The following KIAA0319 variants were observed in gnomAD, a reference collection of about 807,000 sequenced individuals.
KIAA0319 encodes dyslexia-associated protein KIAA0319.
In KIAA0319, 83 loss-of-function variants were observed where a neutral mutation model predicts 108.4. The ratio of observed to expected loss-of-function variants is 0.77; its 90% CI spans 0.64 to 0.92. The LOEUF is 0.92. Ranked by LOEUF, KIAA0319 falls within the 40% of genes least tolerant of loss-of-function variation. The probability of loss-of-function intolerance (pLI) is 0.00; values close to 1 mark genes in which losing one functional copy is unlikely to be tolerated. For synonymous variants in KIAA0319, 484 were observed against 510.4 expected (o/e 0.95, Z 0.70); for missense variants, 1,195 against 1,322.4 (o/e 0.90, Z 1.49).
At chr6:24,611,640 C>G (rs1772330418) in intron 1 of KIAA0319, among the ~76,000 whole-genome samples, 1 of 152,088 alleles carries the variant, frequency 6.6e-6, no homozygotes, top group Non-Finnish European at 1.5e-5. Flanking sequence ...ACATTGCAGA[C>G]AAAGGATAAT....
At chr6:24,583,273 G>T in intron 5 of KIAA0319, 2 of 1,008,398 alleles carry the variant, frequency 2.0e-6, no homozygotes, top group Non-Finnish European at 2.4e-6. Flanking sequence ...CATCCCGGTG[G>T]AATCTTCCCA....
In KIAA0319 at chr6:24,588,735, T is replaced by A. The variant is rs1767958748; in HGVS notation, c.852A>T (p.Ser284=). 1.2e-6 allele frequency: 2 copies of A among 1,613,836 alleles called. No homozygotes were observed. Among genetic ancestry groups the A allele is most frequent in the African/African-American group, 1.3e-5 (1 of 74,834 alleles). ...GCACTGGGCTTTTCTCCACGGTGAC[T>A]GAGCTGAGCTCCAGGCTTGCCGGAG... The part of the protein sequence containing the change: ...SLPPASLELS[S]VTVEKSPVLT... Residue 284 remains serine (S), a synonymous_variant, in exon 4 of 21, where the codon TCA becomes TCT. Transcript: ENST00000378214.
At chr6:24,639,141 G>A (rs972249056) in intron 1 of KIAA0319, among the ~76,000 whole-genome samples, 27 of 151,826 alleles carry the variant, frequency 1.8e-4, no homozygotes, top group African/African-American at 6.0e-4. Context: ...TAGAATTGAT[G>A]AAAGAAAAAA....
Position 24,588,479 on chromosome 6 carries a change from A to G in KIAA0319, c.994+114T>C, listed in dbSNP as rs930320814. On this transcript the variant is annotated intron_variant, in intron 4 of 20. Transcript: ENST00000378214. Reference sequence around the variant, plus strand: ...TATGCAGCACCGTTTCTGGCACATGATAGATGCTGAAAAATGTGCCTGGAG... The same window carrying G: ...TATGCAGCACCGTTTCTGGCACATGGTAGATGCTGAAAAATGTGCCTGGAG... 4.8e-6 allele frequency: 4 copies of G among 838,578 alleles called. No homozygotes were observed. The African/African-American group carries it at 6.7e-5, about 14-fold the overall frequency. The allele number at this position is 838,578 out of a possible 1,614,324, so 51.9% of individuals were successfully genotyped here.
chr6:24,548,211 G>A (rs1035404923), intron 20 of KIAA0319, among the ~76,000 whole-genome samples: 1 of 152,146 alleles, frequency 6.6e-6, no homozygotes, highest in South Asian at 2.1e-4. Context: ...CCTTAGTTCA[G>A]CTAAAACCAG....
chr6:24,571,480 T>C (rs549970054), intron 11 of KIAA0319, among the ~76,000 whole-genome samples: 2 of 151,782 alleles, frequency 1.3e-5, no homozygotes, highest in African/African-American at 2.4e-5. Flanking sequence ...CACTACAAAA[T>C]AGGGGTTTCC....
intron 4 of KIAA0319, among the ~76,000 whole-genome samples, chr6:24,587,086 G>A (rs1767624164): frequency 6.6e-6 from 1 of 151,914 alleles, no homozygotes; most frequent in Non-Finnish European, 1.5e-5. Flanking sequence ...TTTTAGTTCT[G>A]TATTTTCATA....
Position 24,578,180 on chromosome 6 carries a change from C to T in KIAA0319, c.1435G>A (p.Glu479Lys), listed in dbSNP as rs2127476157. The stretch of plus-strand genomic sequence containing the variant: ...GGAGAGTCAACTGAAGTCTTCTCTT[C>T]TATGAAGGGCCCGTTTATTTCTTCC... ...HWEEINGPFI[E>K]EKTSVDSPVL... is the part of the protein sequence containing the mutation. The change falls in exon 9 of 21, where the codon GAA becomes AAA. Residue 479 changes from glutamate (E) to lysine (K), a missense_variant. Coordinates refer to ENST00000378214, the MANE Select transcript of KIAA0319 (RefSeq NM_014809.4). The T allele has an allele frequency of 6.2e-7, 1 of 1,611,326 alleles. No homozygotes were observed. The highest frequency in any genetic ancestry group is 8.5e-7 in the Non-Finnish European group (1 of 1,177,682).
downstream of KIAA0319, among the ~76,000 whole-genome samples, chr6:24,541,200 C>G (rs573845377): frequency 2.2e-4 from 33 of 152,224 alleles, no homozygotes; most frequent in African/African-American, 7.2e-4. Flanking sequence ...CTCAGAAGAC[C>G]GAGATCAAGG....
At position 24,570,592 on chromosome 6, in the gene KIAA0319, A is replaced by AT. The variant is rs201596649; in HGVS notation, c.1859-558_1859-557insA. On this transcript the variant is annotated intron_variant, in intron 11 of 20. Transcript: ENST00000378214. ...GACAGAGCAAGATCCGTCTAAAAAA[A>AT]AAAATCGTCATAGGGTGAAAGAGAA... 7.0e-4 allele frequency among the ~76,000 whole-genome samples: 105 copies of AT among 150,672 alleles called. 1 individual carries two copies. The East Asian group carries it at 0.02, about 28-fold the overall frequency.
rs751456449 is a variant in KIAA0319, at chr6:24,546,279, A to G, written c.*886T>C. 6.6e-6 allele frequency: 1 copy of G among 152,080 alleles called. No homozygotes were observed. Among genetic ancestry groups the G allele is most frequent in the Non-Finnish European group, 1.5e-5 (1 of 68,014 alleles). 9.4% of individuals were successfully genotyped at this position (152,080 alleles called of 1,614,324 possible). On this transcript the variant is annotated 3_prime_UTR_variant, in exon 21 of 21. Coordinates refer to ENST00000378214, the MANE Select transcript of KIAA0319 (RefSeq NM_014809.4). ...ATATATACACAATTGCTGAGTCGTT[A>G]TCCCTATCTATGGCAGTCCAAACGC...
intron 1 of KIAA0319, among the ~76,000 whole-genome samples, chr6:24,636,868 G>C (rs1776278941): frequency 6.6e-6 from 1 of 151,634 alleles, no homozygotes; most frequent in Non-Finnish European, 1.5e-5. Flanking sequence ...ATAATAAACA[G>C]CAGAAAAAAT....
chr6:24,568,188 T>C (rs546700055), intron 13 of KIAA0319, among the ~76,000 whole-genome samples: 2 of 152,240 alleles, frequency 1.3e-5, no homozygotes, highest in South Asian at 2.1e-4. Context: ...AACCTTTCCA[T>C]CCAGCCAGGC....
In KIAA0319 at chr6:24,556,631, T is replaced by C. The variant is rs755687148; in HGVS notation, c.2833A>G (p.Ile945Val). ...LWMENLIQRY[I>V]WDGESNCEWS... Reference sequence around the variant, plus strand: ...CCACAGTTGCTCTCTCCATCCCAGATATAACGCTGTATAAGGTTCTCCATC... The same window carrying C: ...CCACAGTTGCTCTCTCCATCCCAGACATAACGCTGTATAAGGTTCTCCATC... Residue 945 changes from isoleucine (I) to valine (V), a missense_variant, in exon 18 of 21, where the codon ATC (isoleucine) becomes GTC (valine). Ile to Val is a conservative substitution (Grantham distance 29). Coordinates refer to ENST00000378214, the MANE Select transcript of KIAA0319 (RefSeq NM_014809.4). 2.9e-5 allele frequency: 47 copies of C among 1,613,884 alleles called. No individual in the cohort carries two copies. Among genetic ancestry groups the C allele is most frequent in the Non-Finnish European group, 3.9e-5 (46 of 1,179,950 alleles).
intron 15 of KIAA0319, 104 bp from the exon 16 acceptor site, chr6:24,563,622 T>G: frequency 9.4e-7 from 1 of 1,060,176 alleles, no homozygotes; most frequent in Non-Finnish European, 1.3e-6. Context: ...CCTATGCCAT[T>G]TCTACATTTG....
chr6:24,622,977 T>G (rs1774179035), intron 1 of KIAA0319, among the ~76,000 whole-genome samples: 1 of 151,902 alleles, frequency 6.6e-6, no homozygotes, highest in African/African-American at 2.4e-5. Flanking sequence ...AGATGGAGGT[T>G]GCAGTGAACA....
chr6:24,639,154 A>G (rs919433508), intron 1 of KIAA0319, among the ~76,000 whole-genome samples: 10 of 152,352 alleles, frequency 6.6e-5, no homozygotes, highest in Admixed American at 3.9e-4. Flanking sequence ...AGAAAAAAAA[A>G]TCCTTATATC....
chr6:24,572,565 C>T lies in KIAA0319; in HGVS notation c.1858+10G>A, dbSNP rs1248385846. The T allele has an allele frequency of 3.1e-6, 5 of 1,608,126 alleles. No individual in the cohort carries two copies. Among genetic ancestry groups the T allele is most frequent in the East Asian group, 2.2e-5 (1 of 44,834 alleles). ...ATCTCTGAGGCCAAATCTCTTTCTC[C>T]TCCACCTACCAGGCTGGACAATCAC... On this transcript the variant is annotated intron_variant, in intron 11 of 20. Coordinates refer to ENST00000378214, the MANE Select transcript of KIAA0319 (RefSeq NM_014809.4).
At chr6:24,540,750 A>G (rs1233329095), downstream of KIAA0319, among the ~76,000 whole-genome samples, 1 of 151,688 alleles carries the variant, frequency 6.6e-6, no homozygotes, top group Non-Finnish European at 1.5e-5. Context: ...CAACATCTTT[A>G]AACTTTTAAT....
Sources: gnomAD v4.1 joint callset for allele counts (sites outside exome capture counted in the v4.1 genomes callset) on GRCh38, gnomAD v4.1.1 for gene constraint, MANE v1.5 for transcripts, NCBI Gene and HGNC (gene_info 2026-07-23, HGNC 2026-07-21) for gene names.